NRG1: variants seen among roughly 807,000 people sequenced by gnomAD.
The protein encoded by NRG1 is neuregulin 1, also known as pro-neuregulin-1, membrane-bound isoform.
NRG1 carries 18 observed loss-of-function variants against 63.8 expected under a neutral mutation model. That is an observed-to-expected ratio of 0.28 (90% CI 0.19 to 0.42). NRG1 has a LOEUF of 0.42. Among genes scored for constraint, NRG1 ranks in the 10% least tolerant of loss-of-function variants. NRG1 has a pLI of 1.00. For synonymous variants in NRG1, 302 were observed against 301.3 expected (o/e 1.00, Z -0.02); for missense variants, 762 against 814.7 (o/e 0.94, Z 0.79).
intron 3 of NRG1, among the ~76,000 whole-genome samples, chr8:32,614,201 G>A (rs1052325129): frequency 1.3e-5 from 2 of 151,888 alleles, no homozygotes; most frequent in Non-Finnish European, 2.9e-5. Context: ...CCCCTATTTC[G>A]ACTTTTCTTC....
chr8:32,463,813 C>A (rs1458969565), intron 1 of NRG1, among the ~76,000 whole-genome samples: 1 of 147,604 alleles, frequency 6.8e-6, no homozygotes, highest in African/African-American at 2.5e-5. Flanking sequence ...TGTACTCTAG[C>A]CTGGGTAACA....
intron 1 of NRG1, among the ~76,000 whole-genome samples, chr8:32,319,783 A>G (rs1381200559): frequency 6.6e-6 from 1 of 152,176 alleles, no homozygotes. Flanking sequence ...CAATGGATTA[A>G]TGAAGGAAAT....
At chr8:32,347,810 G>A (rs887404903) in intron 1 of NRG1, among the ~76,000 whole-genome samples, 28 of 152,164 alleles carry the variant, frequency 1.8e-4, no homozygotes, top group African/African-American at 6.8e-4. Flanking sequence ...GGTGATGGGT[G>A]ACATTAATGA....
At chr8:32,435,433 T>C (rs920634389) in intron 1 of NRG1, among the ~76,000 whole-genome samples, 1 of 152,164 alleles carries the variant, frequency 6.6e-6, no homozygotes, top group African/African-American at 2.4e-5. Context: ...GTAGGGTAAT[T>C]GTTGAGACCT....
At chr8:31,851,267 C>T (rs1279968306) in intron 1 of NRG1, among the ~76,000 whole-genome samples, 1 of 151,930 alleles carries the variant, frequency 6.6e-6, no homozygotes, top group Non-Finnish European at 1.5e-5. Flanking sequence ...TGGGAGTAGC[C>T]TTAGTAGCAA....
intron 1 of NRG1, among the ~76,000 whole-genome samples, chr8:32,176,337 T>G (rs973750606): frequency 2.0e-5 from 3 of 152,194 alleles, no homozygotes; most frequent in Admixed American, 6.5e-5. Context: ...TCAAGGTGAT[T>G]AAAGACTTAA....
At chr8:31,878,727 A>T (rs1342530506) in intron 1 of NRG1, among the ~76,000 whole-genome samples, 2 of 152,158 alleles carry the variant, frequency 1.3e-5, no homozygotes, top group Non-Finnish European at 2.9e-5. Context: ...CAGTTCATGT[A>T]GGAATCGAGG....
At position 32,727,930 on chromosome 8, in the gene NRG1, T is replaced by G. The variant is rs1443271299; in HGVS notation, c.503-19T>G. On this transcript the variant is annotated intron_variant, in intron 5 of 11. Transcript: ENST00000356819. ...GAAAAAAAGTCCATGTTAACCTTTC[T>G]CCTTTCTCTCCTCTTCAGCTACATC... 1 of 1,613,002 alleles carries G rather than the reference T, an allele frequency of 6.2e-7. No homozygotes were observed. Among genetic ancestry groups the G allele is most frequent in the Non-Finnish European group, 8.5e-7 (1 of 1,179,454 alleles).
At chr8:32,037,078 C>G (rs909617510) in intron 1 of NRG1, among the ~76,000 whole-genome samples, 8 of 152,124 alleles carry the variant, frequency 5.3e-5, no homozygotes, top group Admixed American at 5.2e-4. Context: ...GTTTATTTAC[C>G]TTTGATCTTT....
At chr8:32,021,504 G>A (rs1027804001) in intron 1 of NRG1, among the ~76,000 whole-genome samples, 2 of 152,132 alleles carry the variant, frequency 1.3e-5, no homozygotes, top group Non-Finnish European at 2.9e-5. Context: ...TGAAGGATCT[G>A]CCCTCATAAC....
At chr8:32,221,846 T>C (rs1210001942) in intron 1 of NRG1, among the ~76,000 whole-genome samples, 1 of 152,284 alleles carries the variant, frequency 6.6e-6, no homozygotes, top group African/African-American at 2.4e-5. Flanking sequence ...TATATCTTTA[T>C]ATTTTTTTTG....
intron 5 of NRG1, among the ~76,000 whole-genome samples, chr8:32,634,848 G>T (rs1172232147): frequency 2.6e-5 from 4 of 152,072 alleles, no homozygotes; most frequent in African/African-American, 9.7e-5. Context: ...GAAAAAAATG[G>T]CTTTTGAAGT....
At chr8:32,608,662 G>T (rs189870159) in intron 3 of NRG1, among the ~76,000 whole-genome samples, 1 of 148,772 alleles carries the variant, frequency 6.7e-6, no homozygotes, top group Non-Finnish European at 1.5e-5. Context: ...AGATGGAATT[G>T]TATGCTGAGC....
chr8:32,309,556 G>A (rs1177792678), intron 1 of NRG1, among the ~76,000 whole-genome samples: 1 of 152,194 alleles, frequency 6.6e-6, no homozygotes, highest in Admixed American at 6.5e-5. Context: ...GTCCTGCTGA[G>A]GAGCCCACTA....
chr8:32,612,116 G>A (rs1377309104), intron 3 of NRG1, among the ~76,000 whole-genome samples: 1 of 152,040 alleles, frequency 6.6e-6, no homozygotes, highest in East Asian at 1.9e-4. Context: ...TTGCACTAAT[G>A]AAGGGGCTGT....
chr8:31,773,971 T>G (rs2131583729), intron 1 of NRG1, among the ~76,000 whole-genome samples: 1 of 151,706 alleles, frequency 6.6e-6, no homozygotes, highest in Admixed American at 6.6e-5. Flanking sequence ...GGGTACTCAA[T>G]AAATATTTGT....
intron 1 of NRG1, among the ~76,000 whole-genome samples, chr8:31,727,413 T>C (rs940878512): frequency 6.6e-6 from 1 of 152,236 alleles, no homozygotes; most frequent in African/African-American, 2.4e-5. Context: ...CTCATCGTTC[T>C]GTGATGAGAC....
rs577948915 is a variant in NRG1, at chr8:32,205,679, A to G, written c.38-390149A>G. 6.6e-5 allele frequency among the ~76,000 whole-genome samples: 10 copies of G among 152,272 alleles called. No individual in the cohort carries two copies. In the East Asian group the frequency reaches 1.7e-3, roughly 26 times the overall value. On this transcript the variant is annotated intron_variant, in intron 1 of 10. Transcript: ENST00000519301. ...CCTTTTTACTTTTCCTGAGGGAGGT[A>G]AGAGTAGCACCGACTTGCTACTGCT...
At chr8:32,048,505 A>G (rs1470216427) in intron 1 of NRG1, among the ~76,000 whole-genome samples, 3 of 143,730 alleles carry the variant, frequency 2.1e-5, no homozygotes, top group Non-Finnish European at 3.0e-5. Context: ...TTGCTGGATC[A>G]TATGGTAGTT....
Sources: allele counts gnomAD v4.1 joint callset (sites outside exome capture counted in the v4.1 genomes callset), GRCh38; gene constraint gnomAD v4.1.1; transcripts MANE v1.5; gene names NCBI Gene and HGNC (gene_info 2026-07-23, HGNC 2026-07-21).